COPG2: variants seen among roughly 807,000 people sequenced by gnomAD.
COPG2 encodes the protein coatomer subunit gamma-2.
A neutral mutation model predicts 46.3 loss-of-function variants in COPG2; 37 were observed. The observed-to-expected ratio is 0.80, with a 90% CI of 0.61 to 1.05. COPG2 has a LOEUF of 1.05. Among genes scored for constraint, COPG2 ranks in the 50% least tolerant of loss-of-function variants. The probability of loss-of-function intolerance (pLI) is 0.00; values close to 1 mark genes in which losing one functional copy is unlikely to be tolerated. For missense variants in COPG2, 427 were observed against 387.8 expected (o/e 1.10, Z -0.85); for synonymous variants, 159 against 129.7 (o/e 1.23, Z -1.53).
chr7:130,548,994 G>A (rs1357601064), intron 18 of COPG2, among the ~76,000 whole-genome samples: 4 of 146,046 alleles, frequency 2.7e-5, no homozygotes, highest in Non-Finnish European at 6.0e-5. Flanking sequence ...AAGTTTTAGT[G>A]AAGTCATCTT....
chr7:130,664,139 A>C (rs1563074937), intron 3 of COPG2, among the ~76,000 whole-genome samples: 1 of 152,164 alleles, frequency 6.6e-6, no homozygotes, highest in Non-Finnish European at 1.5e-5. Context: ...AAACATCTCA[A>C]ATCATAGATT....
rs539593597 is a variant in COPG2, at chr7:130,666,844, T to C, written c.171+5A>G. The C allele has an allele frequency of 7.5e-7, 1 of 1,333,748 alleles. No homozygotes were observed. Among genetic ancestry groups the C allele is most frequent in the South Asian group, 1.3e-5 (1 of 78,600 alleles). 82.6% of individuals were successfully genotyped at this position (1,333,748 alleles called of 1,614,324 possible). On this transcript the variant is annotated splice_donor_5th_base_variant and intron_variant, in intron 3 of 23. Coordinates refer to ENST00000425248, the MANE Select transcript of COPG2 (RefSeq NM_012133.6). ...ACTTATCTGAGGAAAATAAAAATAATATACCTGGTTCAGTAAGTAAAGAAT... is the reference window on the plus strand; with the variant it reads ...ACTTATCTGAGGAAAATAAAAATAACATACCTGGTTCAGTAAGTAAAGAAT...
In COPG2 at chr7:130,512,905, A is replaced by G. The variant is rs142895573; in HGVS notation, c.2150-4246T>C. On this transcript the variant is annotated intron_variant, in intron 20 of 23. Transcript: ENST00000425248. ...ATTTCCTAGGGAAACATGAATGAAA[A>G]TATCACAGGGGAAGAGAAAGAGAAG... Among the ~76,000 whole-genome samples the G allele has an allele frequency of 4.4e-3, 666 of 152,278 alleles. 6 individuals carry two copies. The highest frequency in any genetic ancestry group is 0.01 in the Middle Eastern group (3 of 294).
chr7:130,666,933 T>G lies in COPG2; in HGVS notation c.91-4A>C, dbSNP rs1156264383. On this transcript the variant is annotated splice_polypyrimidine_tract_variant and splice_region_variant and intron_variant, in intron 2 of 23. Coordinates refer to ENST00000425248, the MANE Select transcript of COPG2 (RefSeq NM_012133.6). ...GAGTTTCATTGAATATACGAGCCTA[T>G]GAAAAAACATAAAAAACATTGCTAC... 9 of 1,504,526 alleles carry G rather than the reference T, an allele frequency of 6.0e-6. No homozygotes were observed. The highest frequency in any genetic ancestry group is 5.4e-6 in the Non-Finnish European group (6 of 1,104,312). 93.2% of individuals were successfully genotyped at this position (1,504,526 alleles called of 1,614,324 possible).
At chr7:130,529,800 T>C (rs1799806196) in intron 20 of COPG2, among the ~76,000 whole-genome samples, 1 of 152,198 alleles carries the variant, frequency 6.6e-6, no homozygotes, top group African/African-American at 2.4e-5. Context: ...GAAGTGTGTT[T>C]GCAAAGGCCA....
chr7:130,506,324 C>T lies in COPG2; in HGVS notation c.*352G>A, dbSNP rs1584955612. 8.5e-6 allele frequency: 1 copy of T among 117,424 alleles called. No homozygotes were observed. The highest frequency in any genetic ancestry group is 1.8e-5 in the Non-Finnish European group (1 of 55,506). The allele number at this position is 117,424 out of a possible 1,614,324, so 7.3% of individuals were successfully genotyped here. A position where few individuals can be genotyped will look rare whatever the true frequency, so the allele number is the denominator to read the frequency against. ...TCTGGCTTCCCCTCCCCCCTCCCCCCCACCCCTCTGGGATAAAAATTTTCC... is the reference window on the plus strand; with the variant it reads ...TCTGGCTTCCCCTCCCCCCTCCCCCTCACCCCTCTGGGATAAAAATTTTCC... On this transcript the variant is annotated 3_prime_UTR_variant, in exon 24 of 24. Transcript: ENST00000425248.
intron 12 of COPG2, 108 bp downstream of exon 12, chr7:130,560,925 T>G (rs1793709105): frequency 2.5e-6 from 1 of 397,130 alleles, no homozygotes. Context: ...AATTGATAAA[T>G]TAGACTTCAT....
intron 20 of COPG2, among the ~76,000 whole-genome samples, chr7:130,529,109 A>T (rs1384765149): frequency 6.6e-6 from 1 of 152,146 alleles, no homozygotes; most frequent in Non-Finnish European, 1.5e-5. Flanking sequence ...GCATAGTAGA[A>T]CCAAAAATGT....
intron 5 of COPG2, among the ~76,000 whole-genome samples, chr7:130,626,531 G>T (rs928442426): frequency 8.6e-5 from 13 of 151,710 alleles, no homozygotes; most frequent in Non-Finnish European, 1.8e-4. Flanking sequence ...TTACAGGCGT[G>T]AGCCACCATG....
chr7:130,643,846 G>C (rs1795540459), intron 5 of COPG2, among the ~76,000 whole-genome samples: 1 of 152,192 alleles, frequency 6.6e-6, no homozygotes, highest in South Asian at 2.1e-4. Flanking sequence ...ATACACACCT[G>C]TAGTCCTGGC....
chr7:130,531,206 G>A (rs1799821877), intron 20 of COPG2, among the ~76,000 whole-genome samples: 1 of 142,284 alleles, frequency 7.0e-6, no homozygotes, highest in African/African-American at 2.7e-5. Context: ...GGTGGGGAGT[G>A]GGGTATGTTG....
intron 20 of COPG2, among the ~76,000 whole-genome samples, chr7:130,523,775 G>C (rs913696158): frequency 7.2e-5 from 6 of 82,956 alleles, no homozygotes; most frequent in Non-Finnish European, 1.7e-4. Context: ...CTGTTGTCAC[G>C]GGGAGGAAAG....
At chr7:130,538,154 G>A (rs1488740309) in intron 20 of COPG2, among the ~76,000 whole-genome samples, 16 of 152,142 alleles carry the variant, frequency 1.1e-4, no homozygotes, top group African/African-American at 3.6e-4. Context: ...ACCTGGCGGA[G>A]ACAGGGCACG....
chr7:130,628,982 G>A (rs1049465479), intron 5 of COPG2, among the ~76,000 whole-genome samples: 6 of 152,150 alleles, frequency 3.9e-5, no homozygotes, highest in African/African-American at 1.2e-4. Flanking sequence ...CAGGAGTCAT[G>A]CCACTGCACT....
chr7:130,664,880 T>C (rs992769070), intron 3 of COPG2, among the ~76,000 whole-genome samples: 1 of 152,158 alleles, frequency 6.6e-6, no homozygotes, highest in African/African-American at 2.4e-5. Flanking sequence ...TATATTTTAT[T>C]TAAAACTATG....
At chr7:130,525,622 G>T (rs1271744146) in intron 20 of COPG2, among the ~76,000 whole-genome samples, 2 of 152,184 alleles carry the variant, frequency 1.3e-5, no homozygotes, top group East Asian at 1.9e-4. Context: ...GTCACGGAAG[G>T]CTAAAAGGAT....
intron 12 of COPG2, among the ~76,000 whole-genome samples, chr7:130,559,133 A>C (rs1350427839): frequency 1.3e-5 from 2 of 152,366 alleles, no homozygotes; most frequent in East Asian, 3.9e-4. Context: ...AACCGGGAGA[A>C]GATATTCATA....
At chr7:130,519,052 T>C (rs1799704206) in intron 20 of COPG2, among the ~76,000 whole-genome samples, 1 of 138,886 alleles carries the variant, frequency 7.2e-6, no homozygotes, top group East Asian at 2.0e-4. Context: ...TTGAGAAAAA[T>C]TGAAGCTACA....
At chr7:130,515,296 T>A (rs1446842526) in intron 20 of COPG2, among the ~76,000 whole-genome samples, 4 of 152,006 alleles carry the variant, frequency 2.6e-5, no homozygotes, top group Admixed American at 1.3e-4. Flanking sequence ...GGCAGGTGAA[T>A]GGTGGGGAGC....
Sources: allele counts gnomAD v4.1 joint callset (sites outside exome capture counted in the v4.1 genomes callset), GRCh38; gene constraint gnomAD v4.1.1; transcripts MANE v1.5; gene names NCBI Gene and HGNC (gene_info 2026-07-23, HGNC 2026-07-21).